ATF7: variants seen among roughly 807,000 people sequenced by gnomAD.
The protein encoded by ATF7 is activating transcription factor 7.
Under a neutral mutation model 50.4 loss-of-function variants are expected in ATF7, and 10 were observed. That is an observed-to-expected ratio of 0.20 (90% CI 0.12 to 0.34). The LOEUF (loss-of-function observed/expected upper bound fraction) is 0.34. ATF7 is among the 10% of genes least tolerant of loss of function. The pLI is 1.00. For missense variants in ATF7, 465 were observed against 613.9 expected, an observed-to-expected ratio of 0.76 and a Z score of 2.56; for synonymous variants, 201 against 226.4, an observed-to-expected ratio of 0.89 and a Z score of 1.01.
intron 2 of ATF7, among the ~76,000 whole-genome samples, chr12:53,569,341 C>A (rs1941622235): frequency 6.6e-6 from 1 of 152,230 alleles, no homozygotes; most frequent in African/African-American, 2.4e-5. Context: ...TACTAAACTA[C>A]TTGCATTTTT....
At chr12:53,572,939 C>T (rs987920299) in intron 2 of ATF7, among the ~76,000 whole-genome samples, 2 of 151,980 alleles carry the variant, frequency 1.3e-5, no homozygotes, top group African/African-American at 2.4e-5. Flanking sequence ...GTGTGCACCA[C>T]CACACCCAGC....
At chr12:53,562,878 T>C (rs545469104) in intron 2 of ATF7, among the ~76,000 whole-genome samples, 2 of 152,296 alleles carry the variant, frequency 1.3e-5, no homozygotes, top group Admixed American at 1.3e-4. Context: ...AATGGGGATT[T>C]AAATCATTAG....
chr12:53,542,115 T>G (rs1389646599), intron 4 of ATF7, among the ~76,000 whole-genome samples: 1 of 146,286 alleles, frequency 6.8e-6, no homozygotes, highest in Admixed American at 6.9e-5. Context: ...CTGTTTTTTT[T>G]TTTTTTTTTT....
At chr12:53,564,700 C>A (rs1484514933) in intron 2 of ATF7, among the ~76,000 whole-genome samples, 2 of 152,078 alleles carry the variant, frequency 1.3e-5, no homozygotes, top group African/African-American at 2.4e-5. Context: ...AATTTTAAAC[C>A]CATAGTCAAC....
At chr12:53,540,674 C>T (rs922037705) in intron 4 of ATF7, among the ~76,000 whole-genome samples, 3 of 151,710 alleles carry the variant, frequency 2.0e-5, no homozygotes, top group Non-Finnish European at 2.9e-5. Flanking sequence ...TGCAGTAAGC[C>T]GAGATTGCGC....
At chr12:53,616,071 T>C (rs191662710) in intron 1 of ATF7, among the ~76,000 whole-genome samples, 82 of 152,042 alleles carry the variant, frequency 5.4e-4, no homozygotes, top group African/African-American at 1.4e-3. Flanking sequence ...AAGCAATCTA[T>C]CAGATCAGGA....
intron 1 of ATF7, among the ~76,000 whole-genome samples, chr12:53,613,785 C>T (rs1035240808): frequency 2.0e-5 from 3 of 148,330 alleles, no homozygotes; most frequent in Non-Finnish European, 3.0e-5. Flanking sequence ...CCTCAACCCC[C>T]CAAAGTGCTG....
chr12:53,566,665 T>C (rs899644824), intron 2 of ATF7, among the ~76,000 whole-genome samples: 1 of 152,236 alleles, frequency 6.6e-6, no homozygotes. Flanking sequence ...AGAAAGAACC[T>C]AGGTCCTTGA....
At chr12:53,557,223 A>C (rs1344961405) in intron 2 of ATF7, among the ~76,000 whole-genome samples, 2 of 152,222 alleles carry the variant, frequency 1.3e-5, no homozygotes, top group African/African-American at 2.4e-5. Context: ...TTTGTTTGAG[A>C]CAGGGTCTTG....
At chr12:53,605,784 G>A (rs1275746256) in intron 1 of ATF7, among the ~76,000 whole-genome samples, 2 of 152,150 alleles carry the variant, frequency 1.3e-5, no homozygotes, top group Non-Finnish European at 2.9e-5. Context: ...GAGGTATGGG[G>A]TAGAATATAG....
chr12:53,556,368 C>T (rs916322810), intron 2 of ATF7, among the ~76,000 whole-genome samples: 1 of 152,170 alleles, frequency 6.6e-6, no homozygotes, highest in Non-Finnish European at 1.5e-5. Flanking sequence ...GCAGGTGGAT[C>T]GCTTGAGCGC....
intron 1 of ATF7, among the ~76,000 whole-genome samples, chr12:53,608,098 T>C (rs896476727): frequency 6.6e-6 from 1 of 151,548 alleles, no homozygotes; most frequent in African/African-American, 2.4e-5. Context: ...TGCATGCCTG[T>C]AGTCCCAGCT....
At chr12:53,546,522 C>T (rs1939928822) in intron 3 of ATF7, among the ~76,000 whole-genome samples, 1 of 151,336 alleles carries the variant, frequency 6.6e-6, no homozygotes, top group South Asian at 2.1e-4. Flanking sequence ...GATCTCGGCT[C>T]ACTGCAACCT....
Position 53,524,456 on chromosome 12 carries a change from TC to T in ATF7, c.1125+107del, listed in dbSNP as rs1227579799. 5 of 1,263,296 alleles carry T rather than the reference TC, an allele frequency of 4.0e-6. No individual in the cohort carries two copies. The African/African-American group carries it at 7.4e-5, about 19-fold the overall frequency. The allele number at this position is 1,263,296 out of a possible 1,614,324, so 78.3% of individuals were successfully genotyped here. On this transcript the variant is annotated intron_variant, in intron 10 of 11. Transcript: ENST00000420353. This position sits in a 1 kb window ranked among gnomAD's most constrained non-coding sequence, Gnocchi z 4.6. ...ATTCTTCATGGGACAACTAGATCTG[TC>T]CTAATTAGAGAATTACCATCTTCTA...
chr12:53,518,591 G>T (rs1048064279), intron 11 of ATF7, among the ~76,000 whole-genome samples: 1 of 152,182 alleles, frequency 6.6e-6, no homozygotes, highest in African/African-American at 2.4e-5. Flanking sequence ...CCAAATTGCC[G>T]GGATTACAGG....
intron 2 of ATF7, among the ~76,000 whole-genome samples, chr12:53,581,463 C>T (rs1180477199): frequency 6.6e-6 from 1 of 152,118 alleles, no homozygotes; most frequent in East Asian, 1.9e-4. Flanking sequence ...CACACCTTAA[C>T]AAGTTTAAAA....
At chr12:53,605,258 G>A (rs893013103) in intron 1 of ATF7, among the ~76,000 whole-genome samples, 4 of 151,652 alleles carry the variant, frequency 2.6e-5, no homozygotes, top group African/African-American at 9.7e-5. Context: ...GCATGGTGGC[G>A]CATGCCTGTA....
chr12:53,525,849 A>G (rs983620356), intron 9 of ATF7, among the ~76,000 whole-genome samples: 7 of 152,194 alleles, frequency 4.6e-5, no homozygotes, highest in Admixed American at 1.3e-4. Flanking sequence ...CATCTGTAGA[A>G]AAAAGTTCAG....
At chr12:53,587,843 A>ATATTT in intron 2 of ATF7, among the ~76,000 whole-genome samples, 9 of 61,566 alleles carry the variant, frequency 1.5e-4, no homozygotes, top group African/African-American at 2.1e-4. Context: ...ATATATATAT[A>ATATTT]TTTTTTTTTT....
Sources: allele counts gnomAD v4.1 joint callset (sites outside exome capture counted in the v4.1 genomes callset), GRCh38; gene constraint gnomAD v4.1.1; non-coding constraint Gnocchi (gnomAD v3.1); transcripts MANE v1.5; gene names NCBI Gene and HGNC (gene_info 2026-07-23, HGNC 2026-07-21).